Variants in BBS9 observed in about 807,000 individuals in gnomAD.
BBS9 encodes protein PTHB1.
Under a neutral mutation model 117.7 loss-of-function variants are expected in BBS9, and 89 were observed. The ratio of observed to expected loss-of-function variants is 0.76; its 90% CI spans 0.64 to 0.90. The LOEUF (loss-of-function observed/expected upper bound fraction) is 0.90, where lower values mean the gene tolerates loss of function less well. BBS9 is among the 40% of genes least tolerant of loss of function. The probability of loss-of-function intolerance (pLI) is 0.00; values close to 1 mark genes in which losing one functional copy is unlikely to be tolerated. For missense variants in BBS9, 982 were observed against 1,042.2 expected (o/e 0.94, Z 0.80); for synonymous variants, 379 against 370.9 (o/e 1.02, Z -0.25).
intron 20 of BBS9, among the ~76,000 whole-genome samples, chr7:33,526,220 A>G (rs1386623064): frequency 6.6e-6 from 1 of 151,830 alleles, no homozygotes; most frequent in Non-Finnish European, 1.5e-5. Flanking sequence ...TCTGACAATT[A>G]TGTGTCTTGG....
At chr7:33,407,794 A>G (rs970748570) in intron 19 of BBS9, among the ~76,000 whole-genome samples, 1 of 152,130 alleles carries the variant, frequency 6.6e-6, no homozygotes, top group South Asian at 2.1e-4. Context: ...TTCCTCTGGA[A>G]GTTTTGTCTC....
intron 9 of BBS9, among the ~76,000 whole-genome samples, chr7:33,284,136 A>G (rs1584088797): frequency 6.6e-6 from 1 of 151,998 alleles, no homozygotes; most frequent in African/African-American, 2.4e-5. Flanking sequence ...TTAGTCTAGG[A>G]CCTGACTCTC....
chr7:33,389,638 G>A (rs1405664634), intron 19 of BBS9, among the ~76,000 whole-genome samples: 23 of 142,608 alleles, frequency 1.6e-4, no homozygotes, highest in African/African-American at 5.3e-4. Context: ...GCAGTGAGCC[G>A]AGATCGCGCC....
intron 19 of BBS9, among the ~76,000 whole-genome samples, chr7:33,489,353 T>TC (rs1843590420): frequency 6.8e-6 from 1 of 146,730 alleles, no homozygotes; most frequent in Non-Finnish European, 1.5e-5. Context: ...TTTTTTTTTT[T>TC]GCTGAAATTG....
In BBS9 at chr7:33,336,518, T is replaced by C. The variant is rs1815388502; in HGVS notation, c.1094T>C (p.Leu365Pro). ...TCATACCTGGGGACAGATCCTTCTC[T>C]GTTCCAAGCTCCAAACGTTCAATCT... ...QCSYLGTDPS[L>P]FQAPNVQSRE... is the part of the protein sequence containing the mutation. Residue 365 changes from leucine (L) to proline (P), a missense_variant, in exon 10 of 23, where the codon CTG becomes CCG. Physicochemically the swap from Leu to Pro is moderately conservative, Grantham distance 98 (BLOSUM62 -3). Transcript: ENST00000242067. 1.9e-6 allele frequency: 3 copies of C among 1,613,640 alleles called. No homozygotes were observed. The highest frequency in any genetic ancestry group is 2.5e-6 in the Non-Finnish European group (3 of 1,179,800).
chr7:33,293,488 A>G (rs919935819), intron 9 of BBS9, among the ~76,000 whole-genome samples: 5 of 152,110 alleles, frequency 3.3e-5, no homozygotes, highest in Non-Finnish European at 5.9e-5. Context: ...ACACATTCAT[A>G]CTGTATAATG....
chr7:33,351,434 T>C, intron 14 of BBS9, 111 bp downstream of exon 14: 1 of 788,984 alleles, frequency 1.3e-6, no homozygotes, highest in Non-Finnish European at 2.2e-6. Flanking sequence ...GAGAAAATGT[T>C]ATTTTCTACT....
intron 19 of BBS9, among the ~76,000 whole-genome samples, chr7:33,399,168 A>G (rs912429513): frequency 5.3e-5 from 8 of 152,352 alleles, no homozygotes; most frequent in African/African-American, 1.7e-4. Context: ...CGTACCAGGC[A>G]TAGAGAATTG....
chr7:33,393,825 T>A (rs999126061), intron 19 of BBS9, among the ~76,000 whole-genome samples: 13 of 152,134 alleles, frequency 8.5e-5, no homozygotes, highest in Non-Finnish European at 4.4e-5. Flanking sequence ...TGGCAGCCTC[T>A]TATTATATTT....
At chr7:33,386,571 A>G (rs1350071284) in intron 18 of BBS9, among the ~76,000 whole-genome samples, 1 of 151,638 alleles carries the variant, frequency 6.6e-6, no homozygotes, top group African/African-American at 2.4e-5. Flanking sequence ...GCTCACTGCA[A>G]GCTTGGCCTC....
chr7:33,374,242 A>G (rs548225040), intron 17 of BBS9, among the ~76,000 whole-genome samples: 16 of 152,152 alleles, frequency 1.1e-4, no homozygotes, highest in Admixed American at 3.3e-4. Flanking sequence ...AAGAGGGGAA[A>G]GTATATCCTG....
At chr7:33,461,397 T>C (rs1584912989) in intron 19 of BBS9, among the ~76,000 whole-genome samples, 1 of 152,150 alleles carries the variant, frequency 6.6e-6, no homozygotes, top group East Asian at 1.9e-4. Flanking sequence ...GGAAACATAC[T>C]TTCCTCAATG....
At chr7:33,253,482 C>T (rs572641530) in intron 5 of BBS9, among the ~76,000 whole-genome samples, 41 of 152,116 alleles carry the variant, frequency 2.7e-4, no homozygotes, top group African/African-American at 8.2e-4. Flanking sequence ...GGGGTGGTGG[C>T]GAGCTTGTAA....
chr7:33,605,185 T>C lies in BBS9; in HGVS notation c.2633-10T>C, dbSNP rs879202314. 1.2e-6 allele frequency: 2 copies of C among 1,610,128 alleles called. No individual in the cohort carries two copies. Among genetic ancestry groups the C allele is most frequent in the Admixed American group, 3.3e-5 (2 of 60,006 alleles). On this transcript the variant is annotated splice_polypyrimidine_tract_variant and intron_variant, in intron 22 of 22. Coordinates refer to ENST00000242067, the MANE Select transcript of BBS9 (RefSeq NM_198428.3). ...TCTCTCTCTTTCTCTCTTACTCTCT[T>C]TTTTTCCAGAAGTTTCACCCCTCCA...
At chr7:33,534,853 T>A (rs1485133504) in intron 21 of BBS9, among the ~76,000 whole-genome samples, 1 of 152,134 alleles carries the variant, frequency 6.6e-6, no homozygotes, top group Non-Finnish European at 1.5e-5. Flanking sequence ...AGCCTCTCTG[T>A]GGCAGCAGCA....
intron 20 of BBS9, among the ~76,000 whole-genome samples, chr7:33,531,655 C>G (rs1397465401): frequency 2.0e-5 from 3 of 152,146 alleles, no homozygotes; most frequent in Non-Finnish European, 4.4e-5. Flanking sequence ...GCTGTCTCCA[C>G]AGATAAAATG....
chr7:33,608,544 T>A (rs1864703241), downstream of BBS9, among the ~76,000 whole-genome samples: 1 of 152,062 alleles, frequency 6.6e-6, no homozygotes, highest in African/African-American at 2.4e-5. Context: ...TGCCAGCTAT[T>A]GTTTTTTGAC....
chr7:33,227,482 T>C (rs1185337550), intron 5 of BBS9, among the ~76,000 whole-genome samples: 2 of 152,116 alleles, frequency 1.3e-5, no homozygotes, highest in African/African-American at 2.4e-5. Context: ...AAGTTAATAG[T>C]TCTTTGGGAA....
chr7:33,618,344 C>CAA (rs35288587), intron 21 of BBS9, among the ~76,000 whole-genome samples: 1 of 128,668 alleles, frequency 7.8e-6, no homozygotes. Context: ...AACCTTGTCT[C>CAA]AAAAAAAAAA....
Sources: allele counts gnomAD v4.1 joint callset (sites outside exome capture counted in the v4.1 genomes callset), GRCh38; gene constraint gnomAD v4.1.1; transcripts MANE v1.5; gene names NCBI Gene and HGNC (gene_info 2026-07-23, HGNC 2026-07-21).